The following ADGRL3 variants were observed in gnomAD, a reference collection of about 807,000 sequenced individuals.
ADGRL3 encodes calcium-independent alpha-latrotoxin receptor 3.
A neutral mutation model predicts 153.5 loss-of-function variants in ADGRL3; 62 were observed. That is an observed-to-expected ratio of 0.40 (90% confidence interval 0.33 to 0.50). The LOEUF is 0.50. Among genes scored for constraint, ADGRL3 ranks in the 20% least tolerant of loss-of-function variants. The pLI, the probability that ADGRL3 is intolerant of heterozygous loss-of-function variation, is 0.47. For synonymous variants in ADGRL3, 710 were observed against 672.5 expected, an observed-to-expected ratio of 1.06 and a Z score of -0.86; for missense variants, 1,641 against 1,859.4, an observed-to-expected ratio of 0.88 and a Z score of 2.16.
In ADGRL3 at chr4:61,813,819, T is replaced by A; in HGVS notation, c.1410T>A (p.His470Gln). Residue 470 changes from histidine (H) to glutamine (Q), a missense_variant, in exon 9 of 27, where the codon CAT (histidine) becomes CAA (glutamine). His to Gln is a conservative substitution (Grantham distance 24, BLOSUM62 0). This residue lies in a region of ADGRL3 where 734 missense variants were observed against 797.0 expected (regional missense o/e 0.92). Transcript: ENST00000683033. ...GPLDSRSGQA[H>Q]HGQVSYISPP... ...GTTTTGGGTCCACAGGGCAGGCACA[T>A]CATGGACAAGTTTCATACATTTCTC... 1 of 1,582,036 alleles carries A rather than the reference T, an allele frequency of 6.3e-7. No individual in the cohort carries two copies. The highest frequency in any genetic ancestry group is 1.7e-5 in the Admixed American group (1 of 59,974).
chr4:61,736,389 C>T (rs1235801028), intron 8 of ADGRL3, among the ~76,000 whole-genome samples: 1 of 152,158 alleles, frequency 6.6e-6, no homozygotes, highest in Non-Finnish European at 1.5e-5. Flanking sequence ...CGTGGTGGCT[C>T]TTGCCTGTAA....
intron 2 of ADGRL3, among the ~76,000 whole-genome samples, chr4:61,395,997 G>A (rs2096864103): frequency 6.6e-6 from 1 of 151,964 alleles, no homozygotes; most frequent in Non-Finnish European, 1.5e-5. Context: ...TAACCAGGTT[G>A]TTTTGTTGTT....
Position 61,646,982 on chromosome 4 carries a change from G to A in ADGRL3, c.474-29844G>A, listed in dbSNP as rs924466628. Among the ~76,000 whole-genome samples the A allele has an allele frequency of 3.9e-5, 6 of 152,326 alleles. No homozygotes were observed. The South Asian group carries it at 6.2e-4, about 16-fold the overall frequency. On this transcript the variant is annotated intron_variant, in intron 5 of 26. Coordinates refer to ENST00000683033, the MANE Select transcript of ADGRL3 (RefSeq NM_001387552.1). ...AGGTGCGGATATAATCTCCTGGTGC[G>A]CCGTTTTTTAAGCCGGTAGGAAAAG...
At chr4:61,255,634 CATT>C (rs1485344851) in intron 1 of ADGRL3, among the ~76,000 whole-genome samples, 4 of 152,026 alleles carry the variant, frequency 2.6e-5, no homozygotes, top group Non-Finnish European at 4.4e-5. Context: ...TACGAAATTC[CATT>C]ATTATTATTT....
chr4:61,983,953 T>C (rs925888299), intron 19 of ADGRL3, among the ~76,000 whole-genome samples: 1 of 152,168 alleles, frequency 6.6e-6, no homozygotes, highest in Non-Finnish European at 1.5e-5. Context: ...GTCCCTGACA[T>C]TGCTGGCTTA....
At chr4:61,835,389 GAAAA>G (rs36093030) in intron 9 of ADGRL3, among the ~76,000 whole-genome samples, 2 of 121,198 alleles carry the variant, frequency 1.7e-5, no homozygotes, top group Non-Finnish European at 3.3e-5. Flanking sequence ...TGACTGAGAA[GAAAA>G]AAAAAAAAAA....
At position 61,757,469 on chromosome 4, in the gene ADGRL3, C is replaced by A. The variant is rs996210630; in HGVS notation, c.1399+23915C>A. Among the ~76,000 whole-genome samples, 4 of 151,924 alleles carry A rather than the reference C, an allele frequency of 2.6e-5. No individual in the cohort carries two copies. In the East Asian group the frequency reaches 5.8e-4, roughly 22 times the overall value. On this transcript the variant is annotated intron_variant, in intron 8 of 26. Coordinates refer to ENST00000683033, the MANE Select transcript of ADGRL3 (RefSeq NM_001387552.1). ...TTTCTGTGGGATCGGCAGTGATATC[C>A]CCTTTATCATTTTTTTATTGCATCT...
At chr4:61,755,179 C>T (rs963631689) in intron 8 of ADGRL3, among the ~76,000 whole-genome samples, 2 of 152,072 alleles carry the variant, frequency 1.3e-5, no homozygotes, top group African/African-American at 4.8e-5. Context: ...TTCTAGATCC[C>T]TGAGGAATCG....
At chr4:61,666,479 C>G (rs187120460) in intron 5 of ADGRL3, among the ~76,000 whole-genome samples, 3 of 142,520 alleles carry the variant, frequency 2.1e-5, no homozygotes, top group African/African-American at 2.6e-5. Flanking sequence ...TTTTGTTGCT[C>G]AGAAAAGAAA....
At chr4:61,582,633 G>C (rs1023253579) in intron 4 of ADGRL3, among the ~76,000 whole-genome samples, 16 of 151,024 alleles carry the variant, frequency 1.1e-4, no homozygotes, top group Non-Finnish European at 1.5e-5. Flanking sequence ...AATATGTAGA[G>C]CAATGCATGA....
intron 5 of ADGRL3, among the ~76,000 whole-genome samples, chr4:61,589,559 G>T (rs993505568): frequency 2.0e-5 from 3 of 151,890 alleles, no homozygotes; most frequent in African/African-American, 4.8e-5. Flanking sequence ...TTTTTTAAAA[G>T]GTATCTTAAT....
intron 14 of ADGRL3, 137 bp downstream of exon 14, chr4:61,935,160 AAG>A: frequency 1.4e-6 from 1 of 700,186 alleles, no homozygotes; most frequent in Non-Finnish European, 2.3e-6. Context: ...TTCTAAAATA[AAG>A]AGGGCATCAC....
In ADGRL3 at chr4:61,310,732, G is replaced by GTTT. The variant is rs34156856; in HGVS notation, c.-239-72379_-239-72377dup. Among the ~76,000 whole-genome samples the GTTT allele has an allele frequency of 4.8e-5, 7 of 145,898 alleles. No individual in the cohort carries two copies. The East Asian group carries it at 6.1e-4, about 13-fold the overall frequency. On this transcript the variant is annotated intron_variant, in intron 1 of 26. Coordinates refer to ENST00000683033, the MANE Select transcript of ADGRL3 (RefSeq NM_001387552.1). ...CTCTTTTTCATACCCTGTAAGATCAGTTTTTTTTTTTTTTTAAATTCCTTT... is the reference window on the plus strand; with the variant it reads ...CTCTTTTTCATACCCTGTAAGATCAGTTTTTTTTTTTTTTTTTTAAATTCCTTT...
rs1444017478 is a variant in ADGRL3, at chr4:61,948,084, T to G, written c.2629-16T>G. 1.3e-6 allele frequency: 2 copies of G among 1,592,626 alleles called. No individual in the cohort carries two copies. The highest frequency in any genetic ancestry group is 2.7e-5 in the African/African-American group (2 of 74,236). On this transcript the variant is annotated splice_polypyrimidine_tract_variant and intron_variant, in intron 16 of 26. Coordinates refer to ENST00000683033, the MANE Select transcript of ADGRL3 (RefSeq NM_001387552.1). ...TAAAGTAGTTGTTGATTTTATGGATTTTTTTTCCCCTGTAGCAGTCAGAGG... is the reference window on the plus strand; with the variant it reads ...TAAAGTAGTTGTTGATTTTATGGATGTTTTTTCCCCTGTAGCAGTCAGAGG...
At chr4:61,879,913 A>G (rs965359925) in intron 9 of ADGRL3, among the ~76,000 whole-genome samples, 2 of 151,588 alleles carry the variant, frequency 1.3e-5, no homozygotes, top group Non-Finnish European at 2.9e-5. Flanking sequence ...TAGTACAGAC[A>G]GGGGGTCTTG....
chr4:61,906,104 A>G (rs1415698871), intron 11 of ADGRL3, among the ~76,000 whole-genome samples: 1 of 151,740 alleles, frequency 6.6e-6, no homozygotes, highest in Non-Finnish European at 1.5e-5. Context: ...AAAATATTGT[A>G]TATATTATCT....
intron 1 of ADGRL3, among the ~76,000 whole-genome samples, chr4:61,266,237 A>G (rs945660295): frequency 2.6e-5 from 4 of 151,718 alleles, no homozygotes; most frequent in African/African-American, 9.7e-5. Flanking sequence ...GTTTTCTGAC[A>G]CTGGCCTTGG....
chr4:61,215,039 A>G (rs764856026), intron 1 of ADGRL3, among the ~76,000 whole-genome samples: 100 of 152,306 alleles, frequency 6.6e-4, no homozygotes, highest in African/African-American at 2.2e-3. Context: ...ATTTGAAATC[A>G]ATTTTCCAGT....
At chr4:61,729,605 T>C (rs950838303) in intron 6 of ADGRL3, among the ~76,000 whole-genome samples, 7 of 152,020 alleles carry the variant, frequency 4.6e-5, no homozygotes, top group African/African-American at 1.7e-4. Flanking sequence ...AATCTGTGAT[T>C]TTTTAAAGTT....
Sources: gnomAD v4.1 joint callset for allele counts (sites outside exome capture counted in the v4.1 genomes callset) on GRCh38, gnomAD v4.1.1 for gene constraint, gnomAD v4.1.1 regional missense constraint, MANE v1.5 for transcripts, NCBI Gene and HGNC (gene_info 2026-07-23, HGNC 2026-07-21) for gene names.